Variants in PRELID2 observed in about 807,000 individuals in gnomAD.
The protein encoded by PRELID2 is PRELI domain-containing protein 2.
PRELID2 carries 25 observed loss-of-function variants against 28.4 expected under a neutral mutation model. The observed-to-expected ratio is 0.88, with a 90% CI of 0.64 to 1.23. The LOEUF (loss-of-function observed/expected upper bound fraction) is 1.23, where lower values mean the gene tolerates loss of function less well. Among genes scored for constraint, PRELID2 ranks in the 50% most tolerant of loss-of-function variants. The pLI, the probability that PRELID2 is intolerant of heterozygous loss-of-function variation, is 0.00. For synonymous variants in PRELID2, 76 were observed against 71.6 expected (o/e 1.06, Z -0.31); for missense variants, 201 against 214.4 (o/e 0.94, Z 0.39).
chr5:145,806,139 T>C (rs1333034696), intron 4 of PRELID2, among the ~76,000 whole-genome samples: 1 of 152,190 alleles, frequency 6.6e-6, no homozygotes, highest in Admixed American at 6.5e-5. Flanking sequence ...CTTTTTTCAA[T>C]AATAAATTAA....
At chr5:145,458,320 A>G in the PRELID2 span, among the ~76,000 whole-genome samples, 2 of 152,248 alleles carry the variant, frequency 1.3e-5, no homozygotes, top group East Asian at 3.8e-4. Context: ...ATTGGAATTC[A>G]GCTAGTAAAA....
the PRELID2 span, among the ~76,000 whole-genome samples, chr5:145,380,664 T>A: frequency 2.0e-5 from 3 of 152,218 alleles, no homozygotes; most frequent in African/African-American, 7.2e-5. Context: ...GGTTTGCTCT[T>A]TAGACTTCAT....
At chr5:145,544,838 T>G (rs1397411217) in intron 1 of PRELID2, among the ~76,000 whole-genome samples, 1 of 152,140 alleles carries the variant, frequency 6.6e-6, no homozygotes, top group Non-Finnish European at 1.5e-5. Flanking sequence ...GGAGGGATCA[T>G]TAGTGGCCAA....
intron 1 of PRELID2, among the ~76,000 whole-genome samples, chr5:145,495,215 T>C (rs891373105): frequency 6.6e-6 from 1 of 152,176 alleles, no homozygotes; most frequent in Non-Finnish European, 1.5e-5. Context: ...GGGCACAGTC[T>C]CTCAGCATCA....
chr5:145,578,305 A>C (rs17103424), intron 1 of PRELID2, among the ~76,000 whole-genome samples: 29,346 of 152,054 alleles, frequency 0.19, 5,014 homozygotes, highest in African/African-American at 0.45. Flanking sequence ...TCCCCAACAT[A>C]CCAACTTTCA....
chr5:145,749,894 C>T (rs961253229), intron 1 of PRELID2, among the ~76,000 whole-genome samples: 2 of 151,792 alleles, frequency 1.3e-5, no homozygotes, highest in African/African-American at 4.8e-5. Flanking sequence ...TGTTCTCACT[C>T]ATAAGTGGGA....
chr5:145,500,378 G>A (rs557658355), intron 1 of PRELID2, among the ~76,000 whole-genome samples: 4 of 152,058 alleles, frequency 2.6e-5, no homozygotes, highest in African/African-American at 9.6e-5. Flanking sequence ...AGTTTCCTGA[G>A]GCCTCCCCGG....
rs200961906 is a variant in PRELID2, at chr5:145,796,458, C to T, written c.458G>A (p.Arg153Gln). ...VLETFASTFL[R>Q]QGAQKGIRIM... ...TATGGTTACCTTCTGGGCTCCCTGTCGTAAGAATGTGCTGGCAAAAGTTTC... is the reference window on the plus strand; with the variant it reads ...TATGGTTACCTTCTGGGCTCCCTGTTGTAAGAATGTGCTGGCAAAAGTTTC... The change falls in exon 5 of 7, where the codon CGA becomes CAA. Residue 153 changes from arginine (R) to glutamine (Q), a missense_variant. Transcript: ENST00000683046. 7 of 1,608,702 alleles carry T rather than the reference C, an allele frequency of 4.4e-6. No homozygotes were observed. The highest frequency in any genetic ancestry group is 4.0e-5 in the African/African-American group (3 of 74,814).
At chr5:145,638,340 C>G (rs893355076) in intron 1 of PRELID2, among the ~76,000 whole-genome samples, 2 of 152,176 alleles carry the variant, frequency 1.3e-5, no homozygotes, top group Non-Finnish European at 1.5e-5. Flanking sequence ...TACACTACTA[C>G]AGCATACTCA....
chr5:145,472,406 G>A (rs952481634), intron 2 of PRELID2, among the ~76,000 whole-genome samples: 1 of 152,052 alleles, frequency 6.6e-6, no homozygotes, highest in African/African-American at 2.4e-5. Flanking sequence ...GCCCCAGATA[G>A]GTTAAGTGAC....
intron 1 of PRELID2, among the ~76,000 whole-genome samples, chr5:145,678,981 C>G (rs972238657): frequency 1.3e-5 from 2 of 152,174 alleles, no homozygotes; most frequent in African/African-American, 4.8e-5. Context: ...GCTGATCTCT[C>G]CACTTTCCTT....
chr5:145,462,534 T>C, the PRELID2 span, among the ~76,000 whole-genome samples: 15 of 152,260 alleles, frequency 9.9e-5, no homozygotes, highest in African/African-American at 3.4e-4. Flanking sequence ...CTATTTCAAA[T>C]GGCATGCTGG....
intron 1 of PRELID2, among the ~76,000 whole-genome samples, chr5:145,479,022 A>G (rs577206195): frequency 1.8e-4 from 27 of 152,344 alleles, no homozygotes; most frequent in African/African-American, 6.0e-4. Flanking sequence ...TTGAGACTTG[A>G]CCAGAACCTG....
In PRELID2 at chr5:145,820,120, TTTG is replaced by T. The variant is rs1322852159; in HGVS notation, c.134-105_134-103del. ...GGTGGGGTTTTTTTGTTTTTTGTTT[TTTG>T]TTTTTTTTTTTTGAGACACCCAGGC... On this transcript the variant is annotated intron_variant, in intron 2 of 6. Coordinates refer to ENST00000683046, the MANE Select transcript of PRELID2 (RefSeq NM_205846.3). The T allele has an allele frequency of 8.5e-3, 1,102 of 129,558 alleles. 1 individual carries two copies. Among genetic ancestry groups the T allele is most frequent in the Non-Finnish European group, 0.015 (751 of 51,314 alleles). 8.0% of individuals were successfully genotyped at this position (129,558 alleles called of 1,614,324 possible). A position where few individuals can be genotyped will look rare whatever the true frequency, so the allele number is the denominator to read the frequency against.
chr5:145,421,027 G>A, the PRELID2 span, among the ~76,000 whole-genome samples: 161 of 146,792 alleles, frequency 1.1e-3, no homozygotes, highest in African/African-American at 3.8e-3. Flanking sequence ...TTATATGCTG[G>A]ATTACATTTA....
intron 1 of PRELID2, among the ~76,000 whole-genome samples, chr5:145,591,876 G>A (rs959292364): frequency 4.6e-5 from 7 of 152,172 alleles, no homozygotes; most frequent in African/African-American, 1.4e-4. Context: ...TCAGCTTGAT[G>A]TTAATGGCCA....
chr5:145,680,380 T>C (rs1754908640), intron 1 of PRELID2, among the ~76,000 whole-genome samples: 2 of 152,262 alleles, frequency 1.3e-5, no homozygotes, highest in South Asian at 4.2e-4. Context: ...GGGGAAATAA[T>C]AAGGGCCTTT....
chr5:145,684,234 A>G (rs1015132601), intron 1 of PRELID2, among the ~76,000 whole-genome samples: 1 of 152,226 alleles, frequency 6.6e-6, no homozygotes, highest in African/African-American at 2.4e-5. Flanking sequence ...GGGTGAAAGA[A>G]GCCTCGATGG....
chr5:145,452,933 C>G, the PRELID2 span, among the ~76,000 whole-genome samples: 1 of 152,146 alleles, frequency 6.6e-6, no homozygotes, highest in Non-Finnish European at 1.5e-5. Context: ...TTGCTGAAAA[C>G]TCTAAAACTT....
Sources: gnomAD v4.1 joint callset for allele counts (sites outside exome capture counted in the v4.1 genomes callset) on GRCh38, gnomAD v4.1.1 for gene constraint, MANE v1.5 for transcripts, NCBI Gene and HGNC (gene_info 2026-07-23, HGNC 2026-07-21) for gene names.